The following ACTR3C variants were observed in gnomAD, a reference collection of about 807,000 sequenced individuals.
ACTR3C encodes the protein actin related protein 3C, also known as actin-related protein 3C.
Under a neutral mutation model 26.3 loss-of-function variants are expected in ACTR3C, and 18 were observed. The ratio of observed to expected loss-of-function variants is 0.68; its 90% CI spans 0.47 to 1.01. ACTR3C has a LOEUF of 1.01. ACTR3C is among the 50% of genes least tolerant of loss of function. The pLI is 0.00. For missense variants in ACTR3C, 184 were observed against 250.7 expected (o/e 0.73, Z 1.80); for synonymous variants, 55 against 94.5 (o/e 0.58, Z 2.42).
At chr7:150,312,763 T>A (rs1402140325) in intron 1 of ACTR3C, among the ~76,000 whole-genome samples, 1 of 152,166 alleles carries the variant, frequency 6.6e-6, no homozygotes, top group African/African-American at 2.4e-5. Flanking sequence ...AAAAAACCGA[T>A]ATTTTCTTCA....
chr7:150,317,671 T>C (rs561094759), intron 1 of ACTR3C, among the ~76,000 whole-genome samples: 2 of 152,356 alleles, frequency 1.3e-5, no homozygotes, highest in African/African-American at 4.8e-5. Context: ...ATACATTTCA[T>C]GTTTTCCATT....
chr7:150,039,671 G>A, the ACTR3C span, among the ~76,000 whole-genome samples: 1 of 134,368 alleles, frequency 7.4e-6, no homozygotes, highest in African/African-American at 2.7e-5. Context: ...AAGGATCTTA[G>A]GATCAACGAT....
At chr7:150,098,841 G>A in the ACTR3C span, among the ~76,000 whole-genome samples, 4 of 151,402 alleles carry the variant, frequency 2.6e-5, no homozygotes, top group Non-Finnish European at 5.9e-5. Context: ...ACTCCACTAG[G>A]GGAACACAAG....
At chr7:150,106,316 C>T in the ACTR3C span, among the ~76,000 whole-genome samples, 8 of 150,474 alleles carry the variant, frequency 5.3e-5, no homozygotes, top group African/African-American at 1.5e-4. Flanking sequence ...TGCATTATCA[C>T]GTACTCCACT....
At chr7:150,318,888 A>T (rs1365269247) in intron 1 of ACTR3C, among the ~76,000 whole-genome samples, 1 of 152,012 alleles carries the variant, frequency 6.6e-6, no homozygotes, top group Admixed American at 6.6e-5. Flanking sequence ...CATGCATTTC[A>T]CTCCCTTAGG....
chr7:150,272,648 T>C (rs752926900), intron 6 of ACTR3C, among the ~76,000 whole-genome samples: 1 of 137,754 alleles, frequency 7.3e-6, no homozygotes, highest in Non-Finnish European at 1.5e-5. Flanking sequence ...CTCAGAAATA[T>C]ATACATTTAG....
the ACTR3C span, among the ~76,000 whole-genome samples, chr7:150,060,429 T>TA: frequency 2.0e-5 from 3 of 152,202 alleles, no homozygotes; most frequent in African/African-American, 7.2e-5. Flanking sequence ...CCTTTCTTCT[T>TA]ACTGCTTCTC....
the ACTR3C span, among the ~76,000 whole-genome samples, chr7:150,057,314 C>G: frequency 4.4e-3 from 290 of 65,380 alleles, no homozygotes; most frequent in African/African-American, 0.018. Context: ...GAGTTTCATT[C>G]TTTTTACCCA....
At chr7:149,946,102 CAG>C in the ACTR3C span, among the ~76,000 whole-genome samples, 1 of 152,282 alleles carries the variant, frequency 6.6e-6, no homozygotes, top group East Asian at 1.9e-4. Context: ...ACACTTTGCT[CAG>C]AGTCCGCGTC....
At chr7:150,225,004 AGTGTGTGTGTGTGT>A in the ACTR3C span, among the ~76,000 whole-genome samples, 97 of 136,286 alleles carry the variant, frequency 7.1e-4, no homozygotes, top group African/African-American at 2.1e-3. Flanking sequence ...CACCCCCATT[AGTGTGTGTGTGTGT>A]GTGTGTGTGT....
downstream of ACTR3C, among the ~76,000 whole-genome samples, chr7:150,239,462 A>G (rs1832048326): frequency 7.2e-6 from 1 of 138,084 alleles, no homozygotes; most frequent in Non-Finnish European, 1.5e-5. Flanking sequence ...CACTCCACAC[A>G]TTGAAGCACT....
At chr7:150,143,889 G>A in the ACTR3C span, among the ~76,000 whole-genome samples, 1 of 152,354 alleles carries the variant, frequency 6.6e-6, no homozygotes, top group Admixed American at 6.5e-5. Flanking sequence ...GTGAGAGTGG[G>A]CTGGAACCTG....
the ACTR3C span, among the ~76,000 whole-genome samples, chr7:150,127,139 G>GACACACACACACACAC: frequency 7.7e-5 from 10 of 129,598 alleles, no homozygotes; most frequent in Admixed American, 1.6e-4. Context: ...CCTACCATTA[G>GACACACACACACACAC]ACACACACAC....
chr7:149,904,899 G>A, the ACTR3C span, among the ~76,000 whole-genome samples: 13 of 151,442 alleles, frequency 8.6e-5, no homozygotes, highest in South Asian at 2.1e-4. Flanking sequence ...GGTGGTGGGC[G>A]CCTGTAATTC....
intron 3 of ACTR3C, among the ~76,000 whole-genome samples, chr7:150,292,512 T>TTA (rs1415294917): frequency 6.8e-6 from 1 of 147,210 alleles, no homozygotes; most frequent in African/African-American, 2.6e-5. Flanking sequence ...TTTTTTTTTT[T>TTA]TTTTTTGAGA....
At chr7:150,295,409 C>A in intron 1 of ACTR3C, 62 bp from the exon 2 acceptor site, 2 of 1,530,320 alleles carry the variant, frequency 1.3e-6, no homozygotes, top group Non-Finnish European at 1.8e-6. Flanking sequence ...ACATCAGAAC[C>A]ATAAACAGGT....
chr7:150,165,544 T>G, the ACTR3C span, among the ~76,000 whole-genome samples: 5 of 151,822 alleles, frequency 3.3e-5, no homozygotes, highest in African/African-American at 1.2e-4. Flanking sequence ...TGAGCCATCT[T>G]GCAATTTCTT....
At chr7:150,055,393 G>A in the ACTR3C span, among the ~76,000 whole-genome samples, 1 of 151,946 alleles carries the variant, frequency 6.6e-6, no homozygotes, top group African/African-American at 2.4e-5. Flanking sequence ...TCAGGTTTCA[G>A]ATAACAGCTT....
chr7:149,930,328 A>G, the ACTR3C span, among the ~76,000 whole-genome samples: 1 of 152,240 alleles, frequency 6.6e-6, no homozygotes, highest in African/African-American at 2.4e-5. Context: ...ATTTTGATAT[A>G]AAAGGATATG....
Sources: allele counts gnomAD v4.1 joint callset (sites outside exome capture counted in the v4.1 genomes callset), GRCh38; gene constraint gnomAD v4.1.1; transcripts MANE v1.5; gene names NCBI Gene and HGNC (gene_info 2026-07-23, HGNC 2026-07-21).